Variants in ZCWPW2 observed in about 807,000 individuals in gnomAD.
The protein encoded by ZCWPW2 is zinc finger CW-type PWWP domain protein 2.
Under a neutral mutation model 46.6 loss-of-function variants are expected in ZCWPW2, and 45 were observed. That is an observed-to-expected ratio of 0.96 (90% CI 0.76 to 1.24). ZCWPW2 has a LOEUF of 1.24. Ranked by LOEUF, ZCWPW2 falls within the 50% of genes most tolerant of loss-of-function variation. ZCWPW2 has a pLI of 0.00. For synonymous variants in ZCWPW2, 152 were observed against 137.1 expected, an observed-to-expected ratio of 1.11 and a Z score of -0.76; for missense variants, 429 against 403.9, an observed-to-expected ratio of 1.06 and a Z score of -0.53.
At chr3:28,517,237 C>T (rs1220045569) in intron 8 of ZCWPW2, among the ~76,000 whole-genome samples, 1 of 152,030 alleles carries the variant, frequency 6.6e-6, no homozygotes, top group Non-Finnish European at 1.5e-5. Flanking sequence ...CAACCAGTAG[C>T]TACTATATAA....
rs533829778 is a variant in ZCWPW2 at position 28,462,122 on chromosome 3, G to T, written c.493-16692G>T. On this transcript the variant is annotated intron_variant, in intron 4 of 9. Transcript: ENST00000383768. ...TTTTCCGGATCTGAGTTCCTTGAGGGTGGGCAGGGCAGACTGGGAACACAA... is the reference window on the plus strand; with the variant it reads ...TTTTCCGGATCTGAGTTCCTTGAGGTTGGGCAGGGCAGACTGGGAACACAA... 7.2e-5 allele frequency among the ~76,000 whole-genome samples: 11 copies of T among 152,270 alleles called. No homozygotes were observed. The South Asian group carries it at 2.1e-3, about 29-fold the overall frequency.
intron 2 of ZCWPW2, among the ~76,000 whole-genome samples, chr3:28,396,283 A>T (rs1695693959): frequency 6.6e-6 from 1 of 152,172 alleles, no homozygotes; most frequent in African/African-American, 2.4e-5. Flanking sequence ...TCAATTCTTG[A>T]TATTTTTCTG....
At chr3:28,385,188 AG>A (rs1391732937) in intron 1 of ZCWPW2, among the ~76,000 whole-genome samples, 2 of 152,184 alleles carry the variant, frequency 1.3e-5, no homozygotes, top group Non-Finnish European at 2.9e-5. Flanking sequence ...TGCACATATC[AG>A]ACCTGTTGAA....
chr3:28,384,047 G>GTA (rs1695190328), intron 1 of ZCWPW2, among the ~76,000 whole-genome samples: 1 of 152,056 alleles, frequency 6.6e-6, no homozygotes, highest in Non-Finnish European at 1.5e-5. Flanking sequence ...AGCTTTAGAG[G>GTA]TATATTACTA....
chr3:28,443,629 A>G (rs1013492605), intron 4 of ZCWPW2, among the ~76,000 whole-genome samples: 2 of 152,212 alleles, frequency 1.3e-5, no homozygotes, highest in Non-Finnish European at 2.9e-5. Context: ...TGTCCATTAC[A>G]GTAGCTATGC....
At chr3:28,466,167 G>C (rs1698815017) in intron 4 of ZCWPW2, among the ~76,000 whole-genome samples, 1 of 152,078 alleles carries the variant, frequency 6.6e-6, no homozygotes, top group Non-Finnish European at 1.5e-5. Flanking sequence ...AGACACCAGG[G>C]CCTACTTGAG....
intron 5 of ZCWPW2, among the ~76,000 whole-genome samples, chr3:28,480,864 C>CTTTTTTTT (rs56891846): frequency 8.2e-6 from 1 of 122,008 alleles, no homozygotes; most frequent in African/African-American, 3.1e-5. Context: ...CATTTTTTTT[C>CTTTTTTTT]TTTTTTTTTT....
At chr3:28,464,426 A>G (rs1052083330) in intron 4 of ZCWPW2, among the ~76,000 whole-genome samples, 1 of 151,938 alleles carries the variant, frequency 6.6e-6, no homozygotes, top group South Asian at 2.1e-4. Context: ...GCAACCAACT[A>G]AAAAAAAGAC....
intron 8 of ZCWPW2, 21 bp from the exon 9 acceptor site, chr3:28,520,971 G>GTATTAATCC: frequency 6.2e-7 from 1 of 1,612,428 alleles, no homozygotes; most frequent in Non-Finnish European, 8.5e-7. Context: ...CATTTTTACT[G>GTATTAATCC]TATTAATCCT....
intron 1 of ZCWPW2, among the ~76,000 whole-genome samples, chr3:28,388,823 A>G (rs1169701580): frequency 1.3e-5 from 2 of 152,168 alleles, no homozygotes; most frequent in African/African-American, 4.8e-5. Context: ...GATGTGGGCC[A>G]TTAAGTACTC....
intron 1 of ZCWPW2, among the ~76,000 whole-genome samples, chr3:28,361,709 G>T (rs951918955): frequency 6.6e-6 from 1 of 152,086 alleles, no homozygotes; most frequent in African/African-American, 2.4e-5. Context: ...ATTAAAAATG[G>T]CAAAGGGCTT....
chr3:28,348,947 G>C lies in ZCWPW2; in HGVS notation c.-390G>C. ...GGGCCGGAGGGAGGGGAAGCACTCC[G>C]GAAAGTGATTGGAAGTGTGGATGAG... is the stretch of plus-strand genomic sequence containing the variant. On this transcript the variant is annotated 5_prime_UTR_variant, in exon 1 of 10. Transcript: ENST00000383768. 2.0e-6 allele frequency: 2 copies of C among 985,520 alleles called. No homozygotes were observed. The highest frequency in any genetic ancestry group is 2.4e-6 in the Non-Finnish European group (2 of 829,986). The allele number at this position is 985,520 out of a possible 1,614,324, so 61.0% of individuals were successfully genotyped here.
intron 4 of ZCWPW2, chr3:28,461,070 C>A: frequency 9.3e-6 from 2 of 216,196 alleles, no homozygotes; most frequent in Non-Finnish European, 1.0e-5. Flanking sequence ...ATTTTTGAAG[C>A]TCTATAAAGA....
intron 4 of ZCWPW2, among the ~76,000 whole-genome samples, chr3:28,465,956 G>A (rs1698806301): frequency 1.3e-5 from 2 of 152,118 alleles, no homozygotes; most frequent in African/African-American, 4.8e-5. Flanking sequence ...GCTGGATAAA[G>A]AAAATGTAGT....
chr3:28,515,286 A>C (rs1282308927), intron 7 of ZCWPW2, among the ~76,000 whole-genome samples: 1 of 152,120 alleles, frequency 6.6e-6, no homozygotes, highest in Non-Finnish European at 1.5e-5. Context: ...AACAATTAGT[A>C]GGTGTTTTGG....
chr3:28,414,514 T>C (rs150672014), intron 3 of ZCWPW2, among the ~76,000 whole-genome samples: 1,707 of 151,670 alleles, frequency 0.011, 35 homozygotes, highest in African/African-American at 0.039. Flanking sequence ...CGTGCAGGTT[T>C]GTTACATATG....
chr3:28,455,523 A>G (rs1161039997), intron 4 of ZCWPW2, among the ~76,000 whole-genome samples: 2 of 151,370 alleles, frequency 1.3e-5, no homozygotes, highest in Non-Finnish European at 2.9e-5. Context: ...CTTTTGTTGC[A>G]ATGGCTTTTG....
At chr3:28,457,686 C>T (rs1437992415) in intron 4 of ZCWPW2, among the ~76,000 whole-genome samples, 32 of 152,164 alleles carry the variant, frequency 2.1e-4, no homozygotes, top group Admixed American at 1.7e-3. Flanking sequence ...GCTTCTTGTG[C>T]GGTATTCATC....
At chr3:28,367,546 A>C (rs1346571265) in intron 1 of ZCWPW2, among the ~76,000 whole-genome samples, 2 of 152,154 alleles carry the variant, frequency 1.3e-5, no homozygotes, top group African/African-American at 4.8e-5. Context: ...ACATTTGCTG[A>C]GGAGAGCTTT....
Sources: allele counts gnomAD v4.1 joint callset (sites outside exome capture counted in the v4.1 genomes callset), GRCh38; gene constraint gnomAD v4.1.1; transcripts MANE v1.5; gene names NCBI Gene and HGNC (gene_info 2026-07-23, HGNC 2026-07-21).